Variants in YIPF4 observed in about 807,000 individuals in gnomAD.
The protein encoded by YIPF4 is protein YIPF4.
A neutral mutation model predicts 29.4 loss-of-function variants in YIPF4; 18 were observed. The observed-to-expected ratio is 0.61, with a 90% CI of 0.42 to 0.91. The LOEUF is 0.91. Among genes scored for constraint, YIPF4 ranks in the 40% least tolerant of loss-of-function variants. YIPF4 has a pLI of 0.00. For synonymous variants in YIPF4, 115 were observed against 104.7 expected (o/e 1.10, Z -0.60); for missense variants, 279 against 282.7 (o/e 0.99, Z 0.09).
At position 32,311,083 on chromosome 2, in the gene YIPF4, C is replaced by T. The variant is rs2031707808; in HGVS notation, c.*5457C>T. 6.6e-6 allele frequency: 1 copy of T among 151,992 alleles called. No homozygotes were observed. Among genetic ancestry groups the T allele is most frequent in the African/African-American group, 2.4e-5 (1 of 41,362 alleles). The allele number at this position is 151,992 out of a possible 1,614,324, so 9.4% of individuals were successfully genotyped here. On this transcript the variant is annotated 3_prime_UTR_variant, in exon 6 of 6. Coordinates refer to ENST00000238831, the MANE Select transcript of YIPF4 (RefSeq NM_032312.4). ...TTGCACTACAATACATAAAAACTCC[C>T]ATGCTGATCGGTTGTGGGATCGTGC...
At chr2:32,295,099 A>G (rs377051004) in intron 3 of YIPF4, among the ~76,000 whole-genome samples, 7 of 151,960 alleles carry the variant, frequency 4.6e-5, no homozygotes, top group African/African-American at 1.5e-4. Context: ...TTATTGACTC[A>G]TAATTCTGTT....
At chr2:32,285,523 T>A (rs904987435) in intron 1 of YIPF4, among the ~76,000 whole-genome samples, 3 of 152,226 alleles carry the variant, frequency 2.0e-5, no homozygotes, top group Non-Finnish European at 4.4e-5. Context: ...AGTGTTCTTT[T>A]GAGTGATACT....
At chr2:32,302,648 C>G (rs575976854) in intron 5 of YIPF4, among the ~76,000 whole-genome samples, 1 of 151,980 alleles carries the variant, frequency 6.6e-6, no homozygotes, top group East Asian at 1.9e-4. Flanking sequence ...TTATTAATGT[C>G]GAACAACTTT....
chr2:32,286,076 C>T (rs1558474543), intron 1 of YIPF4, among the ~76,000 whole-genome samples: 1 of 152,038 alleles, frequency 6.6e-6, no homozygotes, highest in Admixed American at 6.6e-5. Flanking sequence ...TTACTTTTTT[C>T]ATTAATTAAT....
At chr2:32,298,379 T>C (rs1437292554) in intron 4 of YIPF4, 68 bp downstream of exon 4, 33 of 1,170,504 alleles carry the variant, frequency 2.8e-5, no homozygotes, top group Non-Finnish European at 1.8e-5. Flanking sequence ...ACTGCAGATA[T>C]CATCATTAGC....
chr2:32,290,389 AATG>A (rs1448736217), intron 1 of YIPF4, 91 bp from the exon 2 acceptor site: 6 of 973,954 alleles, frequency 6.2e-6, no homozygotes, highest in Non-Finnish European at 8.3e-6. Context: ...GAGATCTTCA[AATG>A]ATAATTATTT....
intron 1 of YIPF4, among the ~76,000 whole-genome samples, chr2:32,279,573 T>C (rs1159807130): frequency 1.2e-5 from 1 of 80,464 alleles, no homozygotes; most frequent in Non-Finnish European, 2.6e-5. Flanking sequence ...AATTTTTTTT[T>C]TTTTTGTATT....
chr2:32,278,300 T>C, intron 1 of YIPF4, 66 bp downstream of exon 1: 1 of 1,462,062 alleles, frequency 6.8e-7, no homozygotes, highest in Non-Finnish European at 9.2e-7. Flanking sequence ...GTAGGGTCTT[T>C]CTGGTGCCGA....
At position 32,309,396 on chromosome 2, in the gene YIPF4, G is replaced by T. The variant is rs934873543; in HGVS notation, c.*3770G>T. On this transcript the variant is annotated 3_prime_UTR_variant, in exon 6 of 6. Transcript: ENST00000238831. Reference sequence around the variant, plus strand: ...AAAAGTCTGAAACCTGAGAAACTCTGGTCCCAAGCATTTTGGAAAGGGTAT... The same window carrying T: ...AAAAGTCTGAAACCTGAGAAACTCTTGTCCCAAGCATTTTGGAAAGGGTAT... 6.6e-6 allele frequency: 1 copy of T among 152,076 alleles called. No homozygotes were observed. The highest frequency in any genetic ancestry group is 1.5e-5 in the Non-Finnish European group (1 of 68,014). The allele number at this position is 152,076 out of a possible 1,614,324, so 9.4% of individuals were successfully genotyped here.
chr2:32,298,713 T>C (rs1270021477), intron 4 of YIPF4, among the ~76,000 whole-genome samples: 1 of 151,774 alleles, frequency 6.6e-6, no homozygotes, highest in Non-Finnish European at 1.5e-5. Flanking sequence ...TATGTGCCAC[T>C]ATGCCCGGCT....
chr2:32,287,585 C>G (rs1239280550), intron 1 of YIPF4, among the ~76,000 whole-genome samples: 1 of 152,208 alleles, frequency 6.6e-6, no homozygotes, highest in Non-Finnish European at 1.5e-5. Context: ...CTTCAGTGTA[C>G]TATCACACTG....
chr2:32,295,660 A>G (rs565404742), intron 3 of YIPF4, among the ~76,000 whole-genome samples: 3 of 152,126 alleles, frequency 2.0e-5, no homozygotes, highest in East Asian at 3.9e-4. Flanking sequence ...CTAGAGTGCA[A>G]TGGCACGATC....
chr2:32,294,400 G>T (rs575185090), intron 3 of YIPF4, among the ~76,000 whole-genome samples: 1 of 151,806 alleles, frequency 6.6e-6, no homozygotes, highest in Non-Finnish European at 1.5e-5. Flanking sequence ...GGTCGCGGCC[G>T]AGCAGAGGCG....
chr2:32,301,127 G>A (rs2031388562), intron 4 of YIPF4, among the ~76,000 whole-genome samples: 1 of 152,178 alleles, frequency 6.6e-6, no homozygotes, highest in East Asian at 1.9e-4. Context: ...AAACTCAAGA[G>A]AGAGGTAAAT....
chr2:32,289,180 A>C (rs2030811272), intron 1 of YIPF4, among the ~76,000 whole-genome samples: 1 of 152,196 alleles, frequency 6.6e-6, no homozygotes, highest in Non-Finnish European at 1.5e-5. Flanking sequence ...CGCCTTTATA[A>C]AAACTTTTTA....
chr2:32,296,361 A>G (rs1234888451), intron 3 of YIPF4, among the ~76,000 whole-genome samples: 6 of 151,684 alleles, frequency 4.0e-5, no homozygotes, highest in Non-Finnish European at 8.8e-5. Context: ...AATCCCAGCT[A>G]CTCAGGAGGC....
chr2:32,279,581 ATTTT>A (rs11316138), intron 1 of YIPF4, among the ~76,000 whole-genome samples: 1 of 139,048 alleles, frequency 7.2e-6, no homozygotes, highest in East Asian at 2.3e-4. Context: ...TTTTTTTTGT[ATTTT>A]TTTTTAGTAG....
At position 32,305,711 on chromosome 2, in the gene YIPF4, G is replaced by T; in HGVS notation, c.*85G>T. 1 of 1,318,712 alleles carries T rather than the reference G, an allele frequency of 7.6e-7. No homozygotes were observed. Among genetic ancestry groups the T allele is most frequent in the Non-Finnish European group, 9.7e-7 (1 of 1,032,048 alleles). 81.7% of individuals were successfully genotyped at this position (1,318,712 alleles called of 1,614,324 possible). A position where few individuals can be genotyped will look rare whatever the true frequency, so the allele number is the denominator to read the frequency against. ...TTGCTGAAGGAATTGGAGAAAACCT[G>T]TTGCTGCAAAATTTTACATGTTCCA... is the stretch of plus-strand genomic sequence containing the variant. On this transcript the variant is annotated 3_prime_UTR_variant, in exon 6 of 6. Coordinates refer to ENST00000238831, the MANE Select transcript of YIPF4 (RefSeq NM_032312.4).
Position 32,290,638 on chromosome 2 carries a change from T to G in YIPF4, c.233+2T>G. 3.4e-6 allele frequency: 5 copies of G among 1,460,698 alleles called. No individual in the cohort carries two copies. Among genetic ancestry groups the G allele is most frequent in the Non-Finnish European group, 4.5e-6 (5 of 1,107,296 alleles). The allele number at this position is 1,460,698 out of a possible 1,614,324, so 90.5% of individuals were successfully genotyped here. Reference sequence around the variant, plus strand: ...TCCTGAAGATAACAAGCCACTCTTGTATGTAAAAATAATAATATATATTTT... The same window carrying G: ...TCCTGAAGATAACAAGCCACTCTTGGATGTAAAAATAATAATATATATTTT... On this transcript the variant is annotated splice_donor_variant, in intron 2 of 5. Coordinates refer to ENST00000238831, the MANE Select transcript of YIPF4 (RefSeq NM_032312.4). LOFTEE classifies it high-confidence loss of function.
Sources: gnomAD v4.1 joint callset for allele counts (sites outside exome capture counted in the v4.1 genomes callset) on GRCh38, gnomAD v4.1.1 for gene constraint, MANE v1.5 for transcripts, NCBI Gene and HGNC (gene_info 2026-07-23, HGNC 2026-07-21) for gene names.